The following TRAPPC2L variants were observed in gnomAD, a reference collection of about 807,000 sequenced individuals.
TRAPPC2L encodes trafficking protein particle complex subunit 2L.
TRAPPC2L carries 17 observed loss-of-function variants against 13.2 expected under a neutral mutation model. That is an observed-to-expected ratio of 1.29 (90% CI 0.88 to 1.93). The LOEUF (loss-of-function observed/expected upper bound fraction) is 1.93, where lower values mean the gene tolerates loss of function less well. Among genes scored for constraint, TRAPPC2L ranks in the 30% most tolerant of loss-of-function variants. The probability of loss-of-function intolerance (pLI) is 0.00; values close to 1 mark genes in which losing one functional copy is unlikely to be tolerated. For missense variants in TRAPPC2L, 359 were observed against 252.1 expected (o/e 1.42, Z -2.87); for synonymous variants, 150 against 98.1 (o/e 1.53, Z -3.12).
At chr16:88,859,251 C>T (rs1279849624) in intron 2 of TRAPPC2L, 2 of 552,274 alleles carry the variant, frequency 3.6e-6, no homozygotes, top group African/African-American at 1.9e-5. Context: ...TGTAGCCTGT[C>T]CATGGTGACA....
chr16:88,861,663 G>A (rs369901032), exon 4 of TRAPPC2L: 6 of 497,178 alleles, frequency 1.2e-5, no homozygotes, highest in African/African-American at 3.9e-5. Flanking sequence ...CCAGGGCAGC[G>A]GCCGAGCCCA....
At position 88,858,792 on chromosome 16, in the gene TRAPPC2L, GTA is replaced by G; in HGVS notation, c.206+3_206+4del. The G allele has an allele frequency of 6.2e-7, 1 of 1,612,190 alleles. No individual in the cohort carries two copies. The highest frequency in any genetic ancestry group is 8.5e-7 in the Non-Finnish European group (1 of 1,179,334). ...TCTACCCCACGGAGGACTACAAGGT[GTA>G]TCTTTCAGGGCAGGGTGTGTGTCAG... On this transcript the variant is annotated splice_donor_variant and splice_donor_region_variant and intron_variant, in intron 2 of 3. Transcript: ENST00000565504. LOFTEE classifies it high-confidence loss of function.
chr16:88,861,899 C>G (rs1464526571), exon 4 of TRAPPC2L: 4 of 287,112 alleles, frequency 1.4e-5, no homozygotes, highest in African/African-American at 9.1e-5. Context: ...CCTTTTCATC[C>G]CATCTAGCAA....
At chr16:88,856,515 G>A (rs889457879), upstream of TRAPPC2L, 2 of 697,586 alleles carry the variant, frequency 2.9e-6, no homozygotes, top group South Asian at 1.5e-5. Context: ...ATCGGTGACC[G>A]CCGAGACCCC....
chr16:88,856,528 G>A, upstream of TRAPPC2L: 2 of 695,602 alleles, frequency 2.9e-6, no homozygotes, highest in East Asian at 2.7e-5. Flanking sequence ...GAGACCCCAC[G>A]CCTGGACCCC....
intron 2 of TRAPPC2L, 30 bp downstream of exon 2, chr16:88,858,821 G>C: frequency 6.3e-7 from 1 of 1,599,148 alleles, no homozygotes. Context: ...GTGTGTCAGG[G>C]AGGACCTACA....
exon 4 of TRAPPC2L, chr16:88,861,732 AG>A (rs1371421700): frequency 2.2e-6 from 1 of 459,552 alleles, no homozygotes; most frequent in Admixed American, 2.4e-5. Flanking sequence ...CAGCCCGCTG[AG>A]GGGACCCCCC....
chr16:88,856,968 G>C, upstream of TRAPPC2L: 1 of 1,407,064 alleles, frequency 7.1e-7, no homozygotes. Context: ...GCGGGGCCTG[G>C]ACGGCCACGT....
At chr16:88,857,810 A>C (rs28557030) in intron 1 of TRAPPC2L, among the ~76,000 whole-genome samples, 4,746 of 152,116 alleles carry the variant, frequency 0.031, 234 homozygotes, top group African/African-American at 0.11. Flanking sequence ...GCCCACATAC[A>C]TTTCAACTGG....
At chr16:88,859,434 TG>T in intron 2 of TRAPPC2L, 1 of 701,144 alleles carries the variant, frequency 1.4e-6, no homozygotes, top group Non-Finnish European at 2.6e-6. Flanking sequence ...GCTCCTGGAG[TG>T]TGAACTGGGT....
exon 4 of TRAPPC2L, chr16:88,860,587 A>G: frequency 1.7e-6 from 1 of 587,552 alleles, no homozygotes; most frequent in Non-Finnish European, 3.0e-6. Flanking sequence ...CCCAGATGGG[A>G]GCAGGCAGGC....
At chr16:88,862,372 C>G (rs1028737134) in exon 4 of TRAPPC2L, 4 of 152,606 alleles carry the variant, frequency 2.6e-5, no homozygotes, top group Middle Eastern at 3.4e-3. Context: ...GTGGGTGGTG[C>G]TGGGAGAGAC....
chr16:88,858,378 A>G (rs931636386), intron 1 of TRAPPC2L, among the ~76,000 whole-genome samples: 7 of 151,960 alleles, frequency 4.6e-5, no homozygotes, highest in African/African-American at 1.7e-4. Context: ...TTTCTGATTC[A>G]TTTTTTCTTT....
chr16:88,856,806 G>A (rs1411541383), upstream of TRAPPC2L: 2 of 1,539,410 alleles, frequency 1.3e-6, no homozygotes, highest in Non-Finnish European at 1.7e-6. Flanking sequence ...GGGCGCCCGA[G>A]GCCCCCATCC....
At chr16:88,861,748 G>T (rs1325383584) in exon 4 of TRAPPC2L, 1 of 454,678 alleles carries the variant, frequency 2.2e-6, no homozygotes, top group Non-Finnish European at 4.4e-6. Context: ...CCCCCCCGGA[G>T]TTGGTTCCAG....
exon 4 of TRAPPC2L, chr16:88,861,052 C>A: frequency 7.7e-7 from 1 of 1,300,268 alleles, no homozygotes; most frequent in Non-Finnish European, 1.1e-6. Flanking sequence ...GAATGGGACG[C>A]CTGGGGCTTT....
At chr16:88,858,397 C>T (rs1240409816) in intron 1 of TRAPPC2L, among the ~76,000 whole-genome samples, 4 of 152,156 alleles carry the variant, frequency 2.6e-5, no homozygotes, top group Non-Finnish European at 4.4e-5. Flanking sequence ...TTTCCGCCCA[C>T]CCTACTGCTG....
At chr16:88,861,343 G>A (rs910297633) in exon 4 of TRAPPC2L, 2 of 360,542 alleles carry the variant, frequency 5.5e-6, no homozygotes, top group African/African-American at 4.2e-5. Context: ...GTCTGGAGGG[G>A]GTGGCCTCCT....
chr16:88,860,373 T>A, exon 4 of TRAPPC2L: 1 of 638,248 alleles, frequency 1.6e-6, no homozygotes. Flanking sequence ...TGCAGGTGTC[T>A]TCCGAATAGT....
Sources: allele counts gnomAD v4.1 joint callset (sites outside exome capture counted in the v4.1 genomes callset), GRCh38; gene constraint gnomAD v4.1.1; transcripts MANE v1.5; gene names NCBI Gene and HGNC (gene_info 2026-07-23, HGNC 2026-07-21).